DGKB: variants seen among roughly 807,000 people sequenced by gnomAD.
The protein encoded by DGKB is 90 kDa diacylglycerol kinase.
Under a neutral mutation model 114.3 loss-of-function variants are expected in DGKB, and 67 were observed. That is an observed-to-expected ratio of 0.59 (90% CI 0.48 to 0.72). DGKB has a LOEUF of 0.72. DGKB is among the 30% of genes least tolerant of loss of function. DGKB has a pLI of 0.00. For synonymous variants in DGKB, 398 were observed against 323.1 expected, an observed-to-expected ratio of 1.23 and a Z score of -2.49; for missense variants, 907 against 975.2, an observed-to-expected ratio of 0.93 and a Z score of 0.93.
intron 21 of DGKB, among the ~76,000 whole-genome samples, chr7:14,477,480 T>C (rs1782353655): frequency 2.6e-5 from 4 of 152,214 alleles, no homozygotes; most frequent in Non-Finnish European, 5.9e-5. Context: ...ATTCACTTCT[T>C]CTGCCCCACT....
chr7:14,247,868 A>G (rs1446978458), intron 23 of DGKB, among the ~76,000 whole-genome samples: 3 of 152,006 alleles, frequency 2.0e-5, no homozygotes, highest in Non-Finnish European at 4.4e-5. Context: ...TCACTTGTCT[A>G]TTTTTGTTTT....
At chr7:14,553,917 G>C (rs1795487912) in intron 20 of DGKB, among the ~76,000 whole-genome samples, 1 of 118,080 alleles carries the variant, frequency 8.5e-6, no homozygotes, top group Admixed American at 1.2e-4. Context: ...CTGTCGCCCA[G>C]GCTGGAGTGC....
intron 23 of DGKB, among the ~76,000 whole-genome samples, chr7:14,279,864 A>G (rs201618904): frequency 6.7e-6 from 1 of 149,748 alleles, no homozygotes; most frequent in Non-Finnish European, 1.5e-5. Flanking sequence ...TCTGTACATC[A>G]CCATCATCAA....
chr7:14,923,739 G>C (rs985688580), intron 1 of DGKB, among the ~76,000 whole-genome samples: 4 of 152,032 alleles, frequency 2.6e-5, no homozygotes, highest in Middle Eastern at 3.4e-3. Flanking sequence ...ACATGCCTGT[G>C]ATCCCAGCAC....
chr7:14,459,402 A>T lies in DGKB; in HGVS notation c.1835+18759T>A, dbSNP rs560404776. On this transcript the variant is annotated intron_variant, in intron 21 of 25. Transcript: ENST00000402815. ...ACTAAAATAACCAGTTTAGAGAAGAACATAAATGACCTGATGGAGCTGAAA... is the reference window on the plus strand; with the variant it reads ...ACTAAAATAACCAGTTTAGAGAAGATCATAAATGACCTGATGGAGCTGAAA... 7.9e-4 allele frequency among the ~76,000 whole-genome samples: 120 copies of T among 152,274 alleles called. 1 individual carries two copies. Among genetic ancestry groups the T allele is most frequent in the African/African-American group, 2.6e-3 (108 of 41,562 alleles).
At chr7:14,857,522 A>T (rs1286512538) in intron 1 of DGKB, among the ~76,000 whole-genome samples, 1 of 152,122 alleles carries the variant, frequency 6.6e-6, no homozygotes, top group African/African-American at 2.4e-5. Context: ...GAAGCTGCAA[A>T]ATTTGTGGTA....
At chr7:14,798,160 G>A (rs1189999533) in intron 2 of DGKB, among the ~76,000 whole-genome samples, 3 of 152,150 alleles carry the variant, frequency 2.0e-5, no homozygotes, top group Non-Finnish European at 4.4e-5. Context: ...GAGTGGGTAC[G>A]ATGGGGATGG....
At chr7:14,859,828 G>A (rs1450985258) in intron 1 of DGKB, among the ~76,000 whole-genome samples, 1 of 152,004 alleles carries the variant, frequency 6.6e-6, no homozygotes, top group African/African-American at 2.4e-5. Context: ...ACAATAGCTT[G>A]TGTTAAAGCC....
intron 16 of DGKB, among the ~76,000 whole-genome samples, chr7:14,611,742 A>T (rs114357451): frequency 3.5e-4 from 53 of 151,672 alleles, no homozygotes; most frequent in African/African-American, 1.2e-3. Context: ...AAAATTATTT[A>T]TATGTACTGG....
chr7:14,802,312 T>C (rs1442400011), intron 2 of DGKB, among the ~76,000 whole-genome samples: 2 of 152,180 alleles, frequency 1.3e-5, no homozygotes, highest in Non-Finnish European at 2.9e-5. Flanking sequence ...TCTTTTCTTA[T>C]TAATTTTACA....
rs545292128 is a variant in DGKB at position 14,275,905 on chromosome 7, G to A, written c.2122+62610C>T. The stretch of plus-strand genomic sequence containing the variant: ...TCCTGACTTTGTACAGTAGGTGAGC[G>A]TTTAATTAATTCTTATCTAATTCAT... On this transcript the variant is annotated intron_variant, in intron 23 of 25. Transcript: ENST00000402815. 8.1e-4 allele frequency among the ~76,000 whole-genome samples: 124 copies of A among 152,220 alleles called. 2 individuals carry two copies. The South Asian group carries it at 0.022, about 27-fold the overall frequency.
chr7:14,724,818 TTGGACTC>T (rs1829776434), intron 5 of DGKB, among the ~76,000 whole-genome samples: 1 of 152,156 alleles, frequency 6.6e-6, no homozygotes, highest in African/African-American at 2.4e-5. Flanking sequence ...ATTCCAAACT[TTGGACTC>T]TTTTTAAAAG....
chr7:14,889,625 C>T (rs1159546590), intron 1 of DGKB, among the ~76,000 whole-genome samples: 1 of 151,268 alleles, frequency 6.6e-6, no homozygotes, highest in African/African-American at 2.4e-5. Context: ...TAGTAACAGA[C>T]CACCAAAGTT....
At chr7:14,346,494 A>C (rs1273039371) in intron 21 of DGKB, among the ~76,000 whole-genome samples, 7 of 151,960 alleles carry the variant, frequency 4.6e-5, no homozygotes, top group Non-Finnish European at 7.4e-5. Flanking sequence ...TCCCTTCATG[A>C]ATCAGTCATA....
intron 1 of DGKB, among the ~76,000 whole-genome samples, chr7:14,972,291 G>A (rs537652558): frequency 1.3e-5 from 2 of 152,116 alleles, no homozygotes; most frequent in South Asian, 4.1e-4. Context: ...AATTCCTCAT[G>A]TACTCTAAAA....
chr7:14,309,209 C>T (rs1392924344), intron 23 of DGKB, among the ~76,000 whole-genome samples: 2 of 151,980 alleles, frequency 1.3e-5, no homozygotes. Flanking sequence ...GAGTGAGACC[C>T]TGTCTCAAAA....
intron 4 of DGKB, among the ~76,000 whole-genome samples, chr7:14,750,988 G>C (rs993762456): frequency 2.0e-5 from 3 of 151,324 alleles, no homozygotes; most frequent in African/African-American, 7.3e-5. Context: ...ATTTTTAGTG[G>C]AGTCAGTATT....
chr7:14,398,517 C>A (rs1034094848), intron 21 of DGKB, among the ~76,000 whole-genome samples: 5 of 151,920 alleles, frequency 3.3e-5, no homozygotes, highest in Non-Finnish European at 7.4e-5. Context: ...CTATAAAATT[C>A]TTTTATAAAA....
chr7:14,742,455 A>T (rs930635719), intron 4 of DGKB, among the ~76,000 whole-genome samples: 1 of 152,236 alleles, frequency 6.6e-6, no homozygotes, highest in Non-Finnish European at 1.5e-5. Context: ...TCTTTGAGAA[A>T]TAAAAAGTCT....
Sources: gnomAD v4.1 joint callset for allele counts (sites outside exome capture counted in the v4.1 genomes callset) on GRCh38, gnomAD v4.1.1 for gene constraint, MANE v1.5 for transcripts, NCBI Gene and HGNC (gene_info 2026-07-23, HGNC 2026-07-21) for gene names.